The following VCL variants were observed in gnomAD, a reference collection of about 807,000 sequenced individuals.
VCL encodes vinculin.
Under a neutral mutation model 125.7 loss-of-function variants are expected in VCL, and 47 were observed. That is an observed-to-expected ratio of 0.37 (90% CI 0.30 to 0.48). The LOEUF (loss-of-function observed/expected upper bound fraction) is 0.48. Among genes scored for constraint, VCL ranks in the 20% least tolerant of loss-of-function variants. The pLI is 0.99. For synonymous variants in VCL, 458 were observed against 514.6 expected (o/e 0.89, Z 1.49); for missense variants, 1,069 against 1,455.5 (o/e 0.73, Z 4.32).
intron 1 of VCL, among the ~76,000 whole-genome samples, chr10:74,014,484 C>G (rs929029986): frequency 1.3e-5 from 2 of 151,488 alleles, no homozygotes; most frequent in Non-Finnish European, 2.9e-5. Context: ...GTCCACCCGC[C>G]TCAGCCTCCC....
At chr10:74,019,482 T>G (rs1840621008) in intron 1 of VCL, among the ~76,000 whole-genome samples, 1 of 152,058 alleles carries the variant, frequency 6.6e-6, no homozygotes, top group Non-Finnish European at 1.5e-5. Flanking sequence ...TGTATAAAAT[T>G]TTGGTAAAAT....
chr10:74,040,762 T>A (rs540290102), intron 1 of VCL, among the ~76,000 whole-genome samples: 1 of 152,352 alleles, frequency 6.6e-6, no homozygotes, highest in East Asian at 1.9e-4. Flanking sequence ...TTCTAGCTAT[T>A]AACTTGAAAG....
intron 1 of VCL, among the ~76,000 whole-genome samples, chr10:74,003,501 T>C (rs912203888): frequency 6.6e-6 from 1 of 152,184 alleles, no homozygotes; most frequent in Admixed American, 6.5e-5. Context: ...GTCATGCCAG[T>C]TTTGTTAATG....
At chr10:74,011,863 A>G (rs1348388274) in intron 1 of VCL, among the ~76,000 whole-genome samples, 1 of 152,136 alleles carries the variant, frequency 6.6e-6, no homozygotes, top group African/African-American at 2.4e-5. Flanking sequence ...GAGGTGGTGA[A>G]TCTTAGAACT....
chr10:74,114,250 A>G lies in VCL; in HGVS notation c.3016A>G (p.Arg1006Gly). 6.2e-7 allele frequency: 1 copy of G among 1,614,082 alleles called. No homozygotes were observed. ...GATGGCTGAGATGTCTCGGCTGGTAAGAGGGGGCAGTGGTACCAAGCGGGC... is the reference window on the plus strand; with the variant it reads ...GATGGCTGAGATGTCTCGGCTGGTAGGAGGGGGCAGTGGTACCAAGCGGGC... The part of the protein sequence containing the change: ...LLMAEMSRLV[R>G]GGSGTKRALI... The change falls in exon 20 of 22, where the codon AGA (arginine) becomes GGA (glycine). Residue 1006 changes from arginine (R) to glycine (G), a missense_variant. By Grantham distance (125) the Arg-to-Gly change is moderately radical (BLOSUM62 -2). Coordinates refer to ENST00000211998, the MANE Select transcript of VCL (RefSeq NM_014000.3).
intron 19 of VCL, among the ~76,000 whole-genome samples, chr10:74,112,482 T>C (rs1840241389): frequency 6.6e-6 from 1 of 152,182 alleles, no homozygotes; most frequent in African/African-American, 2.4e-5. Flanking sequence ...GGCCTGACCA[T>C]TGAGCTTTGC....
At chr10:74,082,209 T>C (rs540061381) in intron 6 of VCL, among the ~76,000 whole-genome samples, 3 of 152,182 alleles carry the variant, frequency 2.0e-5, no homozygotes, top group Non-Finnish European at 4.4e-5. Context: ...TTCACAGTTT[T>C]AGCAATAGGG....
intron 1 of VCL, among the ~76,000 whole-genome samples, chr10:74,006,664 C>T (rs1649576964): frequency 6.6e-6 from 1 of 152,152 alleles, no homozygotes; most frequent in African/African-American, 2.4e-5. Context: ...CACATCTGAC[C>T]TCATGATAGG....
Position 74,107,348 on chromosome 10 carries a change from A to G in VCL, c.2553A>G (p.Gln851=), listed in dbSNP as rs1564533698. 1 of 1,614,116 alleles carries G rather than the reference A, an allele frequency of 6.2e-7. No homozygotes were observed. Among genetic ancestry groups the G allele is most frequent in the East Asian group, 2.2e-5 (1 of 44,890 alleles). The part of the protein sequence containing the change: ...DFPPPPPDLE[Q]LRLTDELAPP... ...CGCCGCCTCCACCAGACCTTGAACA[A>G]CTCCGAGTAAGTAAATTCAGATATG... is the stretch of plus-strand genomic sequence containing the variant. Residue 851 remains glutamine (Q), a synonymous_variant, in exon 17 of 22, where the codon CAA becomes CAG. Transcript: ENST00000211998.
chr10:74,112,005 G>A lies in VCL; in HGVS notation c.2842G>A (p.Asp948Asn). 4 of 1,614,210 alleles carry A rather than the reference G, an allele frequency of 2.5e-6. No homozygotes were observed. The highest frequency in any genetic ancestry group is 2.2e-5 in the South Asian group (2 of 91,084). ...GFPVPPDMED[D>N]YEPELLLMPS... ...CCCTGTCCCCCCTGACATGGAAGAC[G>A]ATTACGAACCTGAGCTGCTGTTAAT... Residue 948 changes from aspartate (D) to asparagine (N), a missense_variant, in exon 19 of 22, where the codon GAT (aspartate) becomes AAT (asparagine). Transcript: ENST00000211998.
chr10:74,069,570 T>A (rs1254596707), intron 2 of VCL, among the ~76,000 whole-genome samples: 2 of 152,228 alleles, frequency 1.3e-5, no homozygotes, highest in Non-Finnish European at 2.9e-5. Flanking sequence ...CAAAAGAACC[T>A]GGTGAGATAG....
chr10:74,087,949 C>T (rs745547114), intron 8 of VCL, among the ~76,000 whole-genome samples: 9 of 152,090 alleles, frequency 5.9e-5, no homozygotes, highest in Non-Finnish European at 1.3e-4. Context: ...ACCACTGCCT[C>T]CCAAGATCGC....
At chr10:74,000,534 C>G (rs551773795) in intron 1 of VCL, among the ~76,000 whole-genome samples, 1 of 152,266 alleles carries the variant, frequency 6.6e-6, no homozygotes, top group South Asian at 2.1e-4. Context: ...CCTGCCTTAG[C>G]CTCCCGAGTA....
At chr10:74,014,929 T>C (rs1181718869) in intron 1 of VCL, among the ~76,000 whole-genome samples, 1 of 152,212 alleles carries the variant, frequency 6.6e-6, no homozygotes. Flanking sequence ...GCTCAAGCGA[T>C]TCTCCCACTT....
In VCL at chr10:74,114,199, G is replaced by A. The variant is rs1840274586; in HGVS notation, c.2965G>A (p.Ala989Thr). ...KWSSKGNDIIAAAKRMALLMA... is the reference protein window; with the variant it reads ...KWSSKGNDIITAAKRMALLMA... Reference sequence around the variant, plus strand: ...TTCCCTCTAGGGCAATGACATCATTGCAGCAGCCAAGCGCATGGCTCTGCT... The same window carrying A: ...TTCCCTCTAGGGCAATGACATCATTACAGCAGCCAAGCGCATGGCTCTGCT... Residue 989 changes from alanine (A) to threonine (T), a missense_variant, in exon 20 of 22, where the codon GCA (alanine) becomes ACA (threonine). Ala to Thr is a moderately conservative substitution (Grantham distance 58, BLOSUM62 0). This residue lies in a region of VCL where 91 missense variants were observed against 203.9 expected (regional missense o/e 0.45). Coordinates refer to ENST00000211998, the MANE Select transcript of VCL (RefSeq NM_014000.3). 6.2e-7 allele frequency: 1 copy of A among 1,613,426 alleles called. No homozygotes were observed. Among genetic ancestry groups the A allele is most frequent in the Non-Finnish European group, 8.5e-7 (1 of 1,180,010 alleles).
chr10:74,015,021 GGATACTA>G (rs1840511392), intron 1 of VCL, among the ~76,000 whole-genome samples: 1 of 151,960 alleles, frequency 6.6e-6, no homozygotes, highest in Non-Finnish European at 1.5e-5. Context: ...ATTCTATTCC[GGATACTA>G]GACTAACTTA....
chr10:74,010,319 A>G (rs1482355192), intron 1 of VCL, among the ~76,000 whole-genome samples: 1 of 152,226 alleles, frequency 6.6e-6, no homozygotes, highest in East Asian at 1.9e-4. Flanking sequence ...TATTTTTATC[A>G]AAGTATTTTA....
intron 1 of VCL, among the ~76,000 whole-genome samples, chr10:74,024,511 T>G (rs1184842172): frequency 1.3e-5 from 2 of 151,786 alleles, no homozygotes; most frequent in East Asian, 3.9e-4. Flanking sequence ...CTCGGGAGAC[T>G]GAGGCAGGAG....
At chr10:74,023,302 T>C (rs1349238957) in intron 1 of VCL, among the ~76,000 whole-genome samples, 1 of 152,234 alleles carries the variant, frequency 6.6e-6, no homozygotes, top group Non-Finnish European at 1.5e-5. Flanking sequence ...AACAGTAACA[T>C]GCTATACAGG....
Sources: gnomAD v4.1 joint callset for allele counts (sites outside exome capture counted in the v4.1 genomes callset) on GRCh38, gnomAD v4.1.1 for gene constraint, gnomAD v4.1.1 regional missense constraint, MANE v1.5 for transcripts, NCBI Gene and HGNC (gene_info 2026-07-23, HGNC 2026-07-21) for gene names.